PTPRA: variants seen among roughly 807,000 people sequenced by gnomAD.
The protein encoded by PTPRA is receptor-type tyrosine-protein phosphatase alpha.
In PTPRA, 25 loss-of-function variants were observed where a neutral mutation model predicts 104.8. The ratio of observed to expected loss-of-function variants is 0.24; its 90% CI spans 0.17 to 0.33. The LOEUF (loss-of-function observed/expected upper bound fraction) is 0.33. PTPRA is among the 10% of genes least tolerant of loss of function. PTPRA has a pLI of 1.00. For synonymous variants in PTPRA, 323 were observed against 368.9 expected (o/e 0.88, Z 1.43); for missense variants, 765 against 1,015.3 (o/e 0.75, Z 3.35).
intron 3 of PTPRA, 35 bp downstream of exon 3, chr20:2,948,059 C>T (rs1282876213): frequency 1.0e-6 from 1 of 978,122 alleles, no homozygotes; most frequent in Non-Finnish European, 1.4e-6. Context: ...GTTTTTTCTA[C>T]AAGAATAGAG....
At chr20:2,914,682 C>T (rs1423761552) in intron 1 of PTPRA, among the ~76,000 whole-genome samples, 1 of 152,130 alleles carries the variant, frequency 6.6e-6, no homozygotes, top group African/African-American at 2.4e-5. Context: ...GCATGCTAAC[C>T]TTGCTCAGCC....
intron 3 of PTPRA, among the ~76,000 whole-genome samples, chr20:2,956,510 G>A (rs1444287504): frequency 2.0e-5 from 3 of 151,978 alleles, no homozygotes; most frequent in African/African-American, 7.3e-5. Flanking sequence ...GCCAGGACCA[G>A]ACAGGCTTTT....
chr20:2,955,959 A>C (rs1028035105), intron 3 of PTPRA, among the ~76,000 whole-genome samples: 1 of 151,724 alleles, frequency 6.6e-6, no homozygotes, highest in African/African-American at 2.4e-5. Context: ...TAACCTCATC[A>C]CTTTCCCCAC....
At chr20:3,024,692 CTG>C (rs1427022007) in intron 17 of PTPRA, 71 bp downstream of exon 17, 32 of 1,569,682 alleles carry the variant, frequency 2.0e-5, no homozygotes, top group Non-Finnish European at 2.5e-5. Flanking sequence ...GGATGCCTGA[CTG>C]TGCATTTGCC....
chr20:2,963,884 T>C (rs998009534), intron 3 of PTPRA, among the ~76,000 whole-genome samples: 2 of 151,732 alleles, frequency 1.3e-5, no homozygotes, highest in African/African-American at 2.4e-5. Context: ...ACAGAAAATT[T>C]TAAAAATTAG....
intron 16 of PTPRA, among the ~76,000 whole-genome samples, chr20:3,023,992 G>C (rs1287775185): frequency 6.6e-6 from 1 of 152,194 alleles, no homozygotes; most frequent in Non-Finnish European, 1.5e-5. Context: ...GCAGATGACA[G>C]GTTACTGGAC....
chr20:2,982,091 C>CTTTTT (rs11475103), intron 6 of PTPRA, among the ~76,000 whole-genome samples: 1 of 136,634 alleles, frequency 7.3e-6, no homozygotes. Context: ...TCTTCTTCTT[C>CTTTTT]TTTTTTTTTT....
At chr20:2,925,986 A>C (rs117502245) in intron 2 of PTPRA, among the ~76,000 whole-genome samples, 3 of 152,114 alleles carry the variant, frequency 2.0e-5, no homozygotes, top group Non-Finnish European at 2.9e-5. Flanking sequence ...ACAGTACTGC[A>C]TCATTTTATA....
chr20:2,910,481 T>G (rs1256668603), intron 1 of PTPRA, among the ~76,000 whole-genome samples: 2 of 20,188 alleles, frequency 9.9e-5, no homozygotes, highest in South Asian at 3.7e-3. Flanking sequence ...TTATATATAC[T>G]TTTTTTTTTT....
intron 2 of PTPRA, among the ~76,000 whole-genome samples, chr20:2,931,787 C>T (rs1484210739): frequency 6.6e-6 from 1 of 151,782 alleles, no homozygotes; most frequent in African/African-American, 2.4e-5. Context: ...GCATGAGTGC[C>T]ATGGCATAAT....
At chr20:2,866,098 T>G in the PTPRA span, 1 of 876,390 alleles carries the variant, frequency 1.1e-6, no homozygotes, top group Non-Finnish European at 1.8e-6. Flanking sequence ...TACTGACGGG[T>G]GTATACATAT....
At chr20:3,011,832 C>T (rs1004779050) in intron 11 of PTPRA, among the ~76,000 whole-genome samples, 1 of 152,226 alleles carries the variant, frequency 6.6e-6, no homozygotes, top group Non-Finnish European at 1.5e-5. Flanking sequence ...TCAGATGCTG[C>T]TCAGCAAAGA....
chr20:2,936,721 C>G (rs554713955), intron 2 of PTPRA, among the ~76,000 whole-genome samples: 2 of 152,256 alleles, frequency 1.3e-5, no homozygotes, highest in South Asian at 4.1e-4. Context: ...GATCCACCTA[C>G]CTTGGTCTCC....
intron 3 of PTPRA, among the ~76,000 whole-genome samples, chr20:2,951,092 G>GTTTC (rs777051877): frequency 1.3e-5 from 2 of 151,368 alleles, no homozygotes; most frequent in African/African-American, 2.4e-5. Flanking sequence ...TTGTTTGTTT[G>GTTTC]TTTCTTTCTT....
intron 11 of PTPRA, among the ~76,000 whole-genome samples, chr20:3,015,013 T>C (rs1429257694): frequency 6.6e-6 from 1 of 152,228 alleles, no homozygotes; most frequent in Non-Finnish European, 1.5e-5. Flanking sequence ...TGTCCCCCAC[T>C]GCCTGTGATA....
the PTPRA span, chr20:2,866,657 C>T: frequency 1.3e-6 from 2 of 1,577,462 alleles, no homozygotes; most frequent in African/African-American, 2.7e-5. Context: ...CATCCAGCTC[C>T]TCCCCTAGAG....
chr20:2,965,187 A>T lies in PTPRA; in HGVS notation c.400A>T (p.Thr134Ser). The T allele has an allele frequency of 1.2e-6, 2 of 1,611,596 alleles. No individual in the cohort carries two copies. Among genetic ancestry groups the T allele is most frequent in the Non-Finnish European group, 1.7e-6 (2 of 1,178,048 alleles). ...CAGCACCGCAGCAACCACTCCAGAA[A>T]CTTTCCCTCCTTCAGGTACTAGAGA... ...NSSTAATTPE[T>S]FPPSGNSDSK... The change falls in exon 5 of 24, where the codon ACT (threonine) becomes TCT (serine). Residue 134 changes from threonine (T) to serine (S), a missense_variant. Transcript: ENST00000399903.
chr20:2,912,540 C>CT (rs1225555917), intron 1 of PTPRA, among the ~76,000 whole-genome samples: 1 of 152,020 alleles, frequency 6.6e-6, no homozygotes, highest in African/African-American at 2.4e-5. Context: ...AGGAGGATCA[C>CT]TTAAGTCCAG....
intron 1 of PTPRA, among the ~76,000 whole-genome samples, chr20:2,899,931 A>ACCC (rs2059163151): frequency 2.6e-5 from 4 of 151,966 alleles, no homozygotes; most frequent in Non-Finnish European, 5.9e-5. Context: ...ACATGATGAA[A>ACCC]CCCCATCTCT....
Sources: allele counts gnomAD v4.1 joint callset (sites outside exome capture counted in the v4.1 genomes callset), GRCh38; gene constraint gnomAD v4.1.1; transcripts MANE v1.5; gene names NCBI Gene and HGNC (gene_info 2026-07-23, HGNC 2026-07-21).